Variants in CLASP2 observed in about 807,000 individuals in gnomAD.
CLASP2 encodes the protein CLIP-associating protein 2.
Under a neutral mutation model 194.4 loss-of-function variants are expected in CLASP2, and 47 were observed. The observed-to-expected ratio is 0.24, with a 90% CI of 0.19 to 0.31. The LOEUF is 0.31. Ranked by LOEUF, CLASP2 falls within the 10% of genes least tolerant of loss-of-function variation. The pLI is 1.00. For missense variants in CLASP2, 1,445 were observed against 1,823.6 expected, an observed-to-expected ratio of 0.79 and a Z score of 3.78; for synonymous variants, 619 against 633.5, an observed-to-expected ratio of 0.98 and a Z score of 0.34.
At chr3:33,540,185 C>T (rs112514602) in intron 32 of CLASP2, among the ~76,000 whole-genome samples, 3,782 of 150,518 alleles carry the variant, frequency 0.025, 147 homozygotes, top group African/African-American at 0.087. Context: ...CCACCTTGGC[C>T]TCCCAAAGTG....
intron 24 of CLASP2, among the ~76,000 whole-genome samples, chr3:33,574,751 T>C (rs2064475254): frequency 6.6e-6 from 1 of 152,190 alleles, no homozygotes. Context: ...ATGTTCTTCC[T>C]ATTTGGATCC....
Position 33,498,666 on chromosome 3 carries a change from C to G in CLASP2, c.4486G>C (p.Ala1496Pro), listed in dbSNP as rs765282276. 4 of 1,613,376 alleles carry G rather than the reference C, an allele frequency of 2.5e-6. No individual in the cohort carries two copies. Among genetic ancestry groups the G allele is most frequent in the Admixed American group, 1.7e-5 (1 of 59,994 alleles). The change falls in exon 39 of 39, where the codon GCT becomes CCT. Residue 1496 changes from alanine to proline, a missense_variant. Ala to Pro is a conservative substitution (Grantham distance 27). Transcript: ENST00000682230. ...CCAGAAACATCAGTAGTGGGATCAGCTCCTCCAGAACCTGTTTGTGCACGT... is the reference window on the plus strand; with the variant it reads ...CCAGAAACATCAGTAGTGGGATCAGGTCCTCCAGAACCTGTTTGTGCACGT... ...IKRAQTGSGG[A>P]DPTTDVSGQS
intron 7 of CLASP2, among the ~76,000 whole-genome samples, chr3:33,648,256 A>C (rs1022467225): frequency 6.6e-6 from 1 of 152,190 alleles, no homozygotes; most frequent in Admixed American, 6.5e-5. Flanking sequence ...GGTTGCTTAA[A>C]TGAGATATAT....
At chr3:33,676,893 G>T (rs2088773308) in intron 6 of CLASP2, among the ~76,000 whole-genome samples, 1 of 152,162 alleles carries the variant, frequency 6.6e-6, no homozygotes, top group South Asian at 2.1e-4. Context: ...AGTGGGCGAA[G>T]GATATGAACA....
At chr3:33,574,442 A>G in intron 24 of CLASP2, 4 of 1,399,848 alleles carry the variant, frequency 2.9e-6, no homozygotes, top group South Asian at 1.4e-5. Flanking sequence ...TTATGGTATC[A>G]TAAGATGTCA....
At chr3:33,577,276 G>A in intron 23 of CLASP2, 1 of 1,596,434 alleles carries the variant, frequency 6.3e-7, no homozygotes, top group Non-Finnish European at 8.5e-7. Flanking sequence ...TGGAATAACA[G>A]GACCATACAA....
intron 8 of CLASP2, among the ~76,000 whole-genome samples, chr3:33,634,243 T>C (rs2079670810): frequency 6.6e-6 from 1 of 152,216 alleles, no homozygotes. Context: ...ACTGTGTACC[T>C]AGCAAAAGTA....
chr3:33,520,970 G>A (rs1453188195), intron 34 of CLASP2, among the ~76,000 whole-genome samples: 7 of 151,736 alleles, frequency 4.6e-5, no homozygotes, highest in Admixed American at 2.0e-4. Context: ...TCCCTTAATA[G>A]GAACAATGGA....
chr3:33,524,594 T>C lies in CLASP2; in HGVS notation c.3788-7420A>G, dbSNP rs1349771764. Among the ~76,000 whole-genome samples the C allele has an allele frequency of 2.0e-5, 3 of 152,248 alleles. No individual in the cohort carries two copies. The East Asian group carries it at 5.8e-4, about 29-fold the overall frequency. On this transcript the variant is annotated intron_variant, in intron 34 of 38. Transcript: ENST00000682230. Reference sequence around the variant, plus strand: ...CTGAGCCCACAAGTTGAGGCTGCAGTAAGCCATGATTGAGTCACTGCATTC... The same window carrying C: ...CTGAGCCCACAAGTTGAGGCTGCAGCAAGCCATGATTGAGTCACTGCATTC...
At chr3:33,562,934 C>T (rs1209450996) in intron 27 of CLASP2, among the ~76,000 whole-genome samples, 1 of 152,178 alleles carries the variant, frequency 6.6e-6, no homozygotes, top group South Asian at 2.1e-4. Flanking sequence ...AACTTATCTT[C>T]ATTATTGTCA....
At chr3:33,665,387 A>C (rs1432069610) in intron 6 of CLASP2, among the ~76,000 whole-genome samples, 1 of 152,102 alleles carries the variant, frequency 6.6e-6, no homozygotes, top group Non-Finnish European at 1.5e-5. Flanking sequence ...GGGGAGGGGA[A>C]AAGAAGAAAA....
intron 29 of CLASP2, among the ~76,000 whole-genome samples, chr3:33,557,256 G>A (rs2061117725): frequency 6.6e-6 from 1 of 152,192 alleles, no homozygotes. Flanking sequence ...TTACAGGTGT[G>A]AGCCACGGTG....
At chr3:33,687,528 T>G (rs2090833973) in intron 4 of CLASP2, among the ~76,000 whole-genome samples, 1 of 152,104 alleles carries the variant, frequency 6.6e-6, no homozygotes. Context: ...ATAAGTAAAT[T>G]AAAAGATCTT....
chr3:33,585,382 G>A (rs1329435556), intron 21 of CLASP2, among the ~76,000 whole-genome samples: 1 of 152,140 alleles, frequency 6.6e-6, no homozygotes, highest in Admixed American at 6.5e-5. Flanking sequence ...ATCATAGAGT[G>A]TACTTACACA....
intron 34 of CLASP2, among the ~76,000 whole-genome samples, chr3:33,532,778 A>G (rs2056599727): frequency 6.6e-6 from 1 of 152,216 alleles, no homozygotes; most frequent in Non-Finnish European, 1.5e-5. Flanking sequence ...ATCATAGTAT[A>G]CTGTAGCCTT....
chr3:33,581,990 A>T (rs1031572750), intron 22 of CLASP2, 62 bp from the exon 23 acceptor site: 11 of 1,252,254 alleles, frequency 8.8e-6, no homozygotes, highest in African/African-American at 3.0e-5. Context: ...TTTGCATTTT[A>T]AAAAATTTTG....
At chr3:33,611,844 C>T (rs2075238207) in intron 13 of CLASP2, among the ~76,000 whole-genome samples, 157 bp downstream of exon 13, 1 of 152,004 alleles carries the variant, frequency 6.6e-6, no homozygotes. Flanking sequence ...TCCCTTTTCC[C>T]TTACATGAGA....
At chr3:33,627,235 T>C (rs1297753286) in intron 9 of CLASP2, 155 bp from the exon 10 acceptor site, 3 of 647,128 alleles carry the variant, frequency 4.6e-6, no homozygotes, top group African/African-American at 3.7e-5. Flanking sequence ...TAGACAATAA[T>C]AACACAAAAT....
chr3:33,501,486 A>G (rs1306326447), intron 38 of CLASP2, among the ~76,000 whole-genome samples, 166 bp downstream of exon 38: 1 of 152,224 alleles, frequency 6.6e-6, no homozygotes, highest in African/African-American at 2.4e-5. Context: ...AACAAATGTT[A>G]GAGTAGAAAA....
Sources: gnomAD v4.1 joint callset for allele counts (sites outside exome capture counted in the v4.1 genomes callset) on GRCh38, gnomAD v4.1.1 for gene constraint, MANE v1.5 for transcripts, NCBI Gene and HGNC (gene_info 2026-07-23, HGNC 2026-07-21) for gene names.